Variants in GRK3 observed in about 807,000 individuals in gnomAD.
The protein encoded by GRK3 is adrenergic, beta, receptor kinase 2.
Under a neutral mutation model 95.7 loss-of-function variants are expected in GRK3, and 54 were observed. That is an observed-to-expected ratio of 0.56 (90% CI 0.45 to 0.71). The LOEUF is 0.71. GRK3 is among the 30% of genes least tolerant of loss of function. The pLI is 0.00. For missense variants in GRK3, 649 were observed against 851.2 expected, an observed-to-expected ratio of 0.76 and a Z score of 2.96; for synonymous variants, 281 against 290.8, an observed-to-expected ratio of 0.97 and a Z score of 0.34.
At chr22:25,681,812 A>G (rs1371831174) in intron 9 of GRK3, among the ~76,000 whole-genome samples, 17 of 152,196 alleles carry the variant, frequency 1.1e-4, no homozygotes, top group Admixed American at 1.0e-3. Context: ...TCCTTGCTCA[A>G]GAGTTTTACT....
chr22:25,635,061 G>A (rs1005441727), intron 2 of GRK3, among the ~76,000 whole-genome samples: 1 of 152,152 alleles, frequency 6.6e-6, no homozygotes, highest in Admixed American at 6.5e-5. Context: ...TGCAGACCAC[G>A]ATGGCTTTGA....
intron 9 of GRK3, among the ~76,000 whole-genome samples, chr22:25,680,600 G>A (rs77206453): frequency 0.016 from 2,401 of 152,262 alleles, 32 homozygotes; most frequent in Middle Eastern, 0.065. Flanking sequence ...AAGTGGTTGT[G>A]TAGTTTCTCA....
At chr22:25,583,016 C>T (rs75383913) in intron 1 of GRK3, among the ~76,000 whole-genome samples, 4,514 of 152,250 alleles carry the variant, frequency 0.03, 120 homozygotes, top group Middle Eastern at 0.068. Context: ...CATTGCATGA[C>T]CTTCTGTGGA....
chr22:25,611,054 G>T (rs2084493264), intron 2 of GRK3, among the ~76,000 whole-genome samples: 1 of 152,080 alleles, frequency 6.6e-6, no homozygotes, highest in Non-Finnish European at 1.5e-5. Flanking sequence ...TAGAGACAAG[G>T]TCTCACTATG....
chr22:25,611,722 G>A (rs1272754602), intron 2 of GRK3, among the ~76,000 whole-genome samples: 4 of 151,964 alleles, frequency 2.6e-5, no homozygotes, highest in Non-Finnish European at 5.9e-5. Context: ...CTGGTTGGTG[G>A]CTGGAATCCA....
chr22:25,708,455 G>T (rs566861366), intron 15 of GRK3, among the ~76,000 whole-genome samples: 135 of 152,228 alleles, frequency 8.9e-4, no homozygotes, highest in African/African-American at 3.0e-3. Flanking sequence ...GGAACACAGG[G>T]CACAGGTTGG....
chr22:25,695,957 CTG>C (rs2085205093), intron 13 of GRK3, among the ~76,000 whole-genome samples: 2 of 152,146 alleles, frequency 1.3e-5, no homozygotes, highest in East Asian at 1.9e-4. Context: ...CCTCAGCCTC[CTG>C]CGTAGCTGGG....
intron 12 of GRK3, among the ~76,000 whole-genome samples, chr22:25,690,778 G>A (rs1601529878): frequency 6.6e-6 from 1 of 150,676 alleles, no homozygotes; most frequent in Non-Finnish European, 1.5e-5. Flanking sequence ...TTTTTTCCCT[G>A]AAGAGAAATT....
intron 1 of GRK3, among the ~76,000 whole-genome samples, chr22:25,599,156 G>A (rs985284685): frequency 2.0e-5 from 3 of 152,026 alleles, no homozygotes; most frequent in Non-Finnish European, 4.4e-5. Context: ...TGTGACCTTG[G>A]GTTAGGCAAA....
At chr22:25,658,368 A>G (rs1001933580) in intron 3 of GRK3, among the ~76,000 whole-genome samples, 2 of 152,180 alleles carry the variant, frequency 1.3e-5, no homozygotes, top group Non-Finnish European at 2.9e-5. Context: ...GGCTTACTCA[A>G]ACTCTGAGCC....
intron 1 of GRK3, among the ~76,000 whole-genome samples, chr22:25,578,697 G>A (rs1347784904): frequency 6.6e-6 from 1 of 152,106 alleles, no homozygotes; most frequent in East Asian, 1.9e-4. Flanking sequence ...AAGGGGCCAT[G>A]GACCGAGGAA....
chr22:25,642,963 A>G (rs2084754298), intron 2 of GRK3, among the ~76,000 whole-genome samples: 5 of 152,228 alleles, frequency 3.3e-5, no homozygotes, highest in Admixed American at 3.3e-4. Flanking sequence ...CATACCAAGC[A>G]TGTTCTCTGA....
At chr22:25,587,817 C>T (rs1434424526) in intron 1 of GRK3, among the ~76,000 whole-genome samples, 1 of 152,230 alleles carries the variant, frequency 6.6e-6, no homozygotes, top group African/African-American at 2.4e-5. Flanking sequence ...GCTTGGTTCT[C>T]ATTCTCTCTT....
At chr22:25,612,848 G>GTCCTTTT (rs141448974) in intron 2 of GRK3, among the ~76,000 whole-genome samples, 39 of 140,690 alleles carry the variant, frequency 2.8e-4, no homozygotes, top group African/African-American at 9.7e-4. Flanking sequence ...ACCTCTAAAA[G>GTCCTTTT]TTAAAAAAAA....
At chr22:25,671,008 C>T (rs996243284) in intron 6 of GRK3, among the ~76,000 whole-genome samples, 11 of 120,956 alleles carry the variant, frequency 9.1e-5, no homozygotes, top group East Asian at 7.4e-4. Flanking sequence ...GAGCTGAGAT[C>T]GCGCCGCTGC....
chr22:25,648,308 A>G (rs1229748304), intron 3 of GRK3: 1 of 1,041,152 alleles, frequency 9.6e-7, no homozygotes, highest in Non-Finnish European at 1.5e-6. Context: ...CTCTGCAGAA[A>G]TTGGCAAAAC....
At chr22:25,620,006 T>TTGTGTGTGTGTGTG (rs56260834) in intron 2 of GRK3, among the ~76,000 whole-genome samples, 13 of 90,316 alleles carry the variant, frequency 1.4e-4, no homozygotes, top group East Asian at 6.1e-4. Context: ...TTTGTCTTTT[T>TTGTGTGTGTGTGTG]TGTGTGTGTG....
intron 1 of GRK3, among the ~76,000 whole-genome samples, chr22:25,597,424 A>C: frequency 6.6e-6 from 1 of 152,224 alleles, no homozygotes; most frequent in South Asian, 2.1e-4. Flanking sequence ...CATAATTTCA[A>C]ATAGCTGGAA....
chr22:25,589,660 G>A (rs934152135), intron 1 of GRK3, among the ~76,000 whole-genome samples: 5 of 152,152 alleles, frequency 3.3e-5, no homozygotes, highest in Non-Finnish European at 7.3e-5. Flanking sequence ...TTTACAGAAC[G>A]AGAGAATAGG....
Sources: allele counts gnomAD v4.1 joint callset (sites outside exome capture counted in the v4.1 genomes callset), GRCh38; gene constraint gnomAD v4.1.1; transcripts MANE v1.5; gene names NCBI Gene and HGNC (gene_info 2026-07-23, HGNC 2026-07-21).